The following ACBD6 variants were observed in gnomAD, a reference collection of about 807,000 sequenced individuals.
ACBD6 encodes acyl-CoA binding domain containing 6, also known as acyl-CoA-binding domain-containing protein 6.
Under a neutral mutation model 37.2 loss-of-function variants are expected in ACBD6, and 28 were observed. The observed-to-expected ratio is 0.75, with a 90% CI of 0.56 to 1.03. ACBD6 has a LOEUF of 1.03. Ranked by LOEUF, ACBD6 falls within the 50% of genes least tolerant of loss-of-function variation. The pLI, the probability that ACBD6 is intolerant of heterozygous loss-of-function variation, is 0.00. For synonymous variants in ACBD6, 113 were observed against 126.8 expected (o/e 0.89, Z 0.73); for missense variants, 340 against 337.4 (o/e 1.01, Z -0.06).
intron 6 of ACBD6, among the ~76,000 whole-genome samples, chr1:180,378,316 A>T (rs1347764053): frequency 1.3e-5 from 2 of 152,218 alleles, no homozygotes; most frequent in Non-Finnish European, 2.9e-5. Flanking sequence ...GGATAATTAA[A>T]GTATAAGGAA....
intron 3 of ACBD6, among the ~76,000 whole-genome samples, chr1:180,470,084 T>C (rs892312746): frequency 6.6e-6 from 1 of 152,142 alleles, no homozygotes; most frequent in African/African-American, 2.4e-5. Context: ...CCAAAACAAT[T>C]CCACATTAAC....
At chr1:180,495,262 T>C (rs1403926324) in intron 2 of ACBD6, among the ~76,000 whole-genome samples, 199 bp downstream of exon 2, 1 of 152,228 alleles carries the variant, frequency 6.6e-6, no homozygotes, top group Non-Finnish European at 1.5e-5. Context: ...TATTCCAACA[T>C]GCTAGCATAA....
At chr1:180,290,678 T>C (rs1649666253) in intron 7 of ACBD6, among the ~76,000 whole-genome samples, 1 of 152,064 alleles carries the variant, frequency 6.6e-6, no homozygotes, top group South Asian at 2.1e-4. Context: ...TACAAATTGG[T>C]AGTAAGATGT....
chr1:180,397,466 C>T (rs369902091), intron 6 of ACBD6, 50 bp downstream of exon 6: 27 of 1,488,848 alleles, frequency 1.8e-5, no homozygotes, highest in East Asian at 1.1e-4. Context: ...TTATGTTATG[C>T]GAATTATACT....
chr1:180,396,522 G>A (rs1193590318), intron 6 of ACBD6, among the ~76,000 whole-genome samples: 1 of 152,014 alleles, frequency 6.6e-6, no homozygotes, highest in East Asian at 1.9e-4. Context: ...CACAAAAAGG[G>A]AGAAGACACT....
chr1:180,468,809 G>GAAGAC (rs1650449826), intron 3 of ACBD6, among the ~76,000 whole-genome samples: 1 of 152,148 alleles, frequency 6.6e-6, no homozygotes, highest in Non-Finnish European at 1.5e-5. Context: ...TACCACAGAG[G>GAAGAC]AAGACAAGGC....
At chr1:180,327,835 A>T (rs1651315211) in intron 6 of ACBD6, among the ~76,000 whole-genome samples, 1 of 152,136 alleles carries the variant, frequency 6.6e-6, no homozygotes, top group Non-Finnish European at 1.5e-5. Context: ...TGATTTCTGG[A>T]TTCTTTTTTC....
exon 14 of ACBD6, chr1:180,271,145 A>T (rs1023504700): frequency 1.7e-6 from 1 of 589,590 alleles, no homozygotes; most frequent in Non-Finnish European, 3.1e-6. Flanking sequence ...TGAGGCAGGG[A>T]GCTGAGCAGA....
chr1:180,429,625 T>A (rs1648731830), intron 4 of ACBD6, among the ~76,000 whole-genome samples: 1 of 152,210 alleles, frequency 6.6e-6, no homozygotes, highest in South Asian at 2.1e-4. Context: ...AATTGGTGGA[T>A]CATATGGTAA....
chr1:180,470,193 C>T (rs57493263), intron 3 of ACBD6, among the ~76,000 whole-genome samples: 17,097 of 151,954 alleles, frequency 0.11, 1,426 homozygotes, highest in African/African-American at 0.23. Context: ...ACTAGTGTCA[C>T]AAATAAAGCA....
intron 4 of ACBD6, among the ~76,000 whole-genome samples, chr1:180,417,639 C>T (rs1022381678): frequency 1.3e-5 from 2 of 152,158 alleles, no homozygotes; most frequent in Admixed American, 6.5e-5. Flanking sequence ...TTAGTTTACA[C>T]CTCAGTTTTG....
At chr1:180,347,360 G>A (rs1652224635) in intron 6 of ACBD6, among the ~76,000 whole-genome samples, 1 of 49,074 alleles carries the variant, frequency 2.0e-5, no homozygotes, top group Admixed American at 2.6e-4. Flanking sequence ...TCAACAGAAA[G>A]TTTTTTTTTT....
intron 4 of ACBD6, among the ~76,000 whole-genome samples, chr1:180,419,246 G>A (rs559029377): frequency 4.0e-5 from 6 of 151,690 alleles, no homozygotes; most frequent in East Asian, 1.9e-4. Context: ...GCGAGACTCC[G>A]TCTCAAAAAA....
chr1:180,484,070 T>C (rs1437795686), intron 3 of ACBD6, among the ~76,000 whole-genome samples: 1 of 152,218 alleles, frequency 6.6e-6, no homozygotes, highest in Non-Finnish European at 1.5e-5. Context: ...ACTTACAGTT[T>C]GGTGGTCCTG....
chr1:180,299,213 A>G (rs867685110), intron 7 of ACBD6, among the ~76,000 whole-genome samples: 2 of 152,228 alleles, frequency 1.3e-5, no homozygotes, highest in Admixed American at 6.5e-5. Flanking sequence ...ATGTAGAGTC[A>G]TCTTTCAGAA....
At chr1:180,423,415 A>G (rs991891842) in intron 4 of ACBD6, among the ~76,000 whole-genome samples, 2 of 152,156 alleles carry the variant, frequency 1.3e-5, no homozygotes, top group Non-Finnish European at 1.5e-5. Flanking sequence ...ATCTTCTTCT[A>G]CTACATAACT....
intron 3 of ACBD6, among the ~76,000 whole-genome samples, chr1:180,433,825 T>A (rs1226852445): frequency 2.0e-5 from 3 of 151,956 alleles, no homozygotes; most frequent in Non-Finnish European, 4.4e-5. Flanking sequence ...CCTTTCTGAT[T>A]GTGGGTCACA....
At chr1:180,283,933 C>CA (rs1292866871), downstream of ACBD6, among the ~76,000 whole-genome samples, 1 of 151,984 alleles carries the variant, frequency 6.6e-6, no homozygotes, top group Admixed American at 6.6e-5. Flanking sequence ...AAAAAACACC[C>CA]AAAAAACCAG....
At chr1:180,457,134 C>T (rs1480106397) in intron 3 of ACBD6, among the ~76,000 whole-genome samples, 1 of 152,036 alleles carries the variant, frequency 6.6e-6, no homozygotes, top group Admixed American at 6.6e-5. Context: ...AAAACTGAAA[C>T]AAGCCCAGTG....
Sources: gnomAD v4.1 joint callset for allele counts (sites outside exome capture counted in the v4.1 genomes callset) on GRCh38, gnomAD v4.1.1 for gene constraint, MANE v1.5 for transcripts, NCBI Gene and HGNC (gene_info 2026-07-23, HGNC 2026-07-21) for gene names.